The following PIP5K1C variants were observed in gnomAD, a reference collection of about 807,000 sequenced individuals.
The protein encoded by PIP5K1C is phosphatidylinositol 4-phosphate 5-kinase type-1 gamma.
In PIP5K1C, 45 loss-of-function variants were observed where a neutral mutation model predicts 80.1. The ratio of observed to expected loss-of-function variants is 0.56; its 90% CI spans 0.44 to 0.72. The LOEUF (loss-of-function observed/expected upper bound fraction) is 0.72, where lower values mean the gene tolerates loss of function less well. PIP5K1C is among the 30% of genes least tolerant of loss of function. The pLI is 0.00. For synonymous variants in PIP5K1C, 498 were observed against 420.1 expected (o/e 1.19, Z -2.27); for missense variants, 753 against 954.6 (o/e 0.79, Z 2.78).
intron 6 of PIP5K1C, 123 bp from the exon 7 acceptor site, chr19:3,653,712 G>A: frequency 1.1e-6 from 1 of 902,340 alleles, no homozygotes; most frequent in Non-Finnish European, 1.6e-6. Context: ...TCTCTCCCCA[G>A]AAGCCCTCGG....
chr19:3,643,992 GAT>G, intron 12 of PIP5K1C, 93 bp downstream of exon 12: 1 of 1,427,020 alleles, frequency 7.0e-7, no homozygotes, highest in Non-Finnish European at 9.7e-7. Context: ...GTGGCTGAGC[GAT>G]GGGCACTCAG....
chr19:3,697,886 C>T lies in PIP5K1C; in HGVS notation c.94+2411G>A, dbSNP rs568809273. Among the ~76,000 whole-genome samples, 6 of 152,364 alleles carry T rather than the reference C, an allele frequency of 3.9e-5. No individual in the cohort carries two copies. In the East Asian group the frequency reaches 5.8e-4, roughly 15 times the overall value. ...CCCGAGACCGCCCCCACGTGCCCCACGGCCACGGCCCATGGAGACGCCATT... is the reference window on the plus strand; with the variant it reads ...CCCGAGACCGCCCCCACGTGCCCCATGGCCACGGCCCATGGAGACGCCATT... On this transcript the variant is annotated intron_variant, in intron 1 of 17. Transcript: ENST00000335312.
chr19:3,680,271 C>T lies in PIP5K1C; in HGVS notation c.95-12918G>A, dbSNP rs546340751. Reference sequence around the variant, plus strand: ...CTTGGGTTTGGGGGATGACACACCACTGAGGCGGCCGGCTCTCTGTCTAAA... The same window carrying T: ...CTTGGGTTTGGGGGATGACACACCATTGAGGCGGCCGGCTCTCTGTCTAAA... On this transcript the variant is annotated intron_variant, in intron 1 of 17. Transcript: ENST00000335312. Among the ~76,000 whole-genome samples, 5 of 152,334 alleles carry T rather than the reference C, an allele frequency of 3.3e-5. No individual in the cohort carries two copies. The South Asian group carries it at 8.3e-4, about 25-fold the overall frequency.
Position 3,637,858 on chromosome 19 carries a change from AGGCCCCCC to A in PIP5K1C, c.1920+1018_1920+1025del. The A allele has an allele frequency of 6.5e-7, 1 of 1,535,296 alleles. No individual in the cohort carries two copies. Among genetic ancestry groups the A allele is most frequent in the South Asian group, 1.2e-5 (1 of 84,048 alleles). On this transcript the variant is annotated intron_variant, in intron 16 of 17. Transcript: ENST00000335312. This position sits in a 1 kb window ranked among gnomAD's most constrained non-coding sequence, Gnocchi z 7.0. The stretch of plus-strand genomic sequence containing the variant: ...AGACACACAGCACGACATGGCCCCC[AGGCCCCCC>A]GTACCATCCGGAGACCAGGACGCGC...
chr19:3,684,533 G>A (rs988318502), intron 1 of PIP5K1C, among the ~76,000 whole-genome samples: 8 of 152,224 alleles, frequency 5.3e-5, no homozygotes, highest in African/African-American at 7.2e-5. Flanking sequence ...GCAGCAATGC[G>A]GAGAGAGGCC....
chr19:3,672,959 G>GCTGGGGA (rs1247990557), intron 1 of PIP5K1C, among the ~76,000 whole-genome samples: 1 of 149,086 alleles, frequency 6.7e-6, no homozygotes, highest in Admixed American at 6.6e-5. Context: ...GGACTGGGGG[G>GCTGGGGA]CTGGGGACTG....
In PIP5K1C at chr19:3,637,920, G is replaced by A. The variant is rs1312609611; in HGVS notation, c.1920+964C>T. ...AACCAGTCCCAGGAAAAGGGGTGAC[G>A]ACGTGCGGTGGGTAGGGGCACAGGC... On this transcript the variant is annotated intron_variant, in intron 16 of 17. Coordinates refer to ENST00000335312, the MANE Select transcript of PIP5K1C (RefSeq NM_012398.3). This position sits in a 1 kb window ranked among gnomAD's most constrained non-coding sequence, Gnocchi z 7.0. 7.2e-6 allele frequency: 11 copies of A among 1,535,304 alleles called. No homozygotes were observed. Among genetic ancestry groups the A allele is most frequent in the Non-Finnish European group, 8.7e-6 (10 of 1,146,696 alleles).
Position 3,644,016 on chromosome 19 carries a change from A to G in PIP5K1C, c.1510+71T>C, listed in dbSNP as rs116119295. The G allele has an allele frequency of 4.4e-3, 6,882 of 1,549,408 alleles. 249 individuals are homozygous for G. In the African/African-American group the frequency reaches 0.081, roughly 18 times the overall value. On this transcript the variant is annotated intron_variant, in intron 12 of 17. Transcript: ENST00000335312. The stretch of plus-strand genomic sequence containing the variant: ...CGATGGGCACTCAGGATGAGGCGGC[A>G]CCCCACCCACGGGGCTGCTGCTGGC...
Position 3,630,335 on chromosome 19 carries a change from G to C in PIP5K1C, c.*2832C>G, listed in dbSNP as rs1472104671. 6.6e-6 allele frequency: 1 copy of C among 152,566 alleles called. No individual in the cohort carries two copies. The highest frequency in any genetic ancestry group is 1.5e-5 in the Non-Finnish European group (1 of 68,036). The allele number at this position is 152,566 out of a possible 1,614,324, so 9.5% of individuals were successfully genotyped here. On this transcript the variant is annotated 3_prime_UTR_variant, in exon 18 of 18. Transcript: ENST00000335312. ...CACCACTCTGGGTTTGAGGGACACA[G>C]CACCCTCGTCTCGGCGCTTTGGATT...
At chr19:3,695,626 C>T (rs1451357222) in intron 1 of PIP5K1C, among the ~76,000 whole-genome samples, 5 of 152,030 alleles carry the variant, frequency 3.3e-5, no homozygotes, top group South Asian at 4.1e-4. Flanking sequence ...TCCCGGGAGG[C>T]GGCCAGGGCG....
intron 10 of PIP5K1C, 133 bp from the exon 11 acceptor site, chr19:3,646,191 G>A (rs530424922): frequency 2.8e-4 from 189 of 667,834 alleles, no homozygotes; most frequent in South Asian, 3.1e-4. Flanking sequence ...GGTCCATGGC[G>A]CCATGGCTTC....
At chr19:3,664,444 C>A (rs914098475) in intron 3 of PIP5K1C, among the ~76,000 whole-genome samples, 7 of 152,208 alleles carry the variant, frequency 4.6e-5, no homozygotes, top group Non-Finnish European at 1.0e-4. Context: ...AGGCTTCCTA[C>A]CAACACGGTG....
At chr19:3,669,840 A>C (rs1454376070) in intron 1 of PIP5K1C, 2 of 152,274 alleles carry the variant, frequency 1.3e-5, no homozygotes, top group African/African-American at 4.8e-5. Flanking sequence ...CACCGCGGGC[A>C]CTGAAGGCAA....
At chr19:3,640,859 G>A (rs1016272932) in intron 15 of PIP5K1C, among the ~76,000 whole-genome samples, 2 of 151,550 alleles carry the variant, frequency 1.3e-5, no homozygotes, top group Non-Finnish European at 2.9e-5. Context: ...GCTAATTTTT[G>A]CTATTTTTTA....
intron 1 of PIP5K1C, among the ~76,000 whole-genome samples, chr19:3,690,593 C>A (rs1228668465): frequency 6.6e-6 from 1 of 151,948 alleles, no homozygotes; most frequent in Non-Finnish European, 1.5e-5. Context: ...ATTCATGACA[C>A]CAAACTAGGA....
chr19:3,643,083 T>A, intron 13 of PIP5K1C, 144 bp from the exon 14 acceptor site: 1 of 1,466,624 alleles, frequency 6.8e-7, no homozygotes, highest in South Asian at 1.1e-5. Flanking sequence ...ACACATTGGA[T>A]GCTCCGCCCC....
At chr19:3,658,125 C>G (rs2034700656) in intron 5 of PIP5K1C, among the ~76,000 whole-genome samples, 2 of 152,314 alleles carry the variant, frequency 1.3e-5, no homozygotes, top group African/African-American at 4.8e-5. Flanking sequence ...TCCTTGGGCT[C>G]AAGTCACCAC....
At chr19:3,678,525 G>T (rs2035478196) in intron 1 of PIP5K1C, among the ~76,000 whole-genome samples, 2 of 118,858 alleles carry the variant, frequency 1.7e-5, no homozygotes, top group Admixed American at 8.1e-5. Context: ...GATGGAGGGA[G>T]GGATGGATGG....
chr19:3,671,283 C>G (rs774812060), intron 1 of PIP5K1C, among the ~76,000 whole-genome samples: 27 of 152,356 alleles, frequency 1.8e-4, no homozygotes, highest in Middle Eastern at 6.8e-3. Flanking sequence ...CGCTTGGGTC[C>G]ACCCCTGCCC....
Sources: allele counts gnomAD v4.1 joint callset (sites outside exome capture counted in the v4.1 genomes callset), GRCh38; gene constraint gnomAD v4.1.1; non-coding constraint Gnocchi (gnomAD v3.1); transcripts MANE v1.5; gene names NCBI Gene and HGNC (gene_info 2026-07-23, HGNC 2026-07-21).